Variants in LRBA observed in about 807,000 individuals in gnomAD.
LRBA encodes lipopolysaccharide-responsive and beige-like anchor protein.
In LRBA, 176 loss-of-function variants were observed where a neutral mutation model predicts 330.0. The ratio of observed to expected loss-of-function variants is 0.53; its 90% confidence interval spans 0.47 to 0.60. The LOEUF is 0.60. Ranked by LOEUF, LRBA falls within the 20% of genes least tolerant of loss-of-function variation. The pLI, the probability that LRBA is intolerant of heterozygous loss-of-function variation, is 0.00. For missense variants in LRBA, 3,259 were observed against 3,444.8 expected (o/e 0.95, Z 1.35); for synonymous variants, 1,230 against 1,193.0 (o/e 1.03, Z -0.64).
intron 56 of LRBA, among the ~76,000 whole-genome samples, chr4:150,274,192 T>G (rs988193404): frequency 6.6e-6 from 1 of 152,076 alleles, no homozygotes; most frequent in African/African-American, 2.4e-5. Flanking sequence ...ACTGAACAAT[T>G]TGCTCCTGAA....
intron 44 of LRBA, among the ~76,000 whole-genome samples, chr4:150,461,526 C>T (rs1754773720): frequency 6.6e-6 from 1 of 151,658 alleles, no homozygotes; most frequent in African/African-American, 2.4e-5. Context: ...CCTCATGGTG[C>T]ATTAGTTTCT....
intron 37 of LRBA, among the ~76,000 whole-genome samples, chr4:150,643,119 G>A (rs981919766): frequency 4.0e-5 from 6 of 151,608 alleles, no homozygotes; most frequent in African/African-American, 1.2e-4. Context: ...CAACTTCAAC[G>A]CACAAGTAGT....
chr4:150,807,403 G>A (rs1411866830), intron 32 of LRBA, among the ~76,000 whole-genome samples: 4 of 151,976 alleles, frequency 2.6e-5, no homozygotes, highest in East Asian at 1.9e-4. Context: ...AGCTATACTC[G>A]AAGCACTCAA....
At chr4:150,523,225 T>A (rs1763114955) in intron 40 of LRBA, among the ~76,000 whole-genome samples, 2 of 152,206 alleles carry the variant, frequency 1.3e-5, no homozygotes, top group South Asian at 4.1e-4. Flanking sequence ...TGCTATAGTC[T>A]GAATTTCCCC....
intron 47 of LRBA, among the ~76,000 whole-genome samples, chr4:150,408,917 A>C (rs1201133566): frequency 6.6e-6 from 1 of 152,038 alleles, no homozygotes; most frequent in Non-Finnish European, 1.5e-5. Context: ...TTGTGGCATA[A>C]AATAAGGTTC....
Position 150,471,734 on chromosome 4 carries a change from A to G in LRBA, c.6557T>C (p.Ile2186Thr). ...AAGCTGACGTGGACTAGCTAATGAA[A>G]TACGTCTGCAAGAAAAAGAATTCAA... is the stretch of plus-strand genomic sequence containing the variant. ...TSFGLPQTRR[I>T]SLASPRQLFK... The change falls in exon 43 of 57, where the codon ATT becomes ACT. Residue 2186 changes from isoleucine to threonine, a missense_variant. By Grantham distance (89) the Ile-to-Thr change is moderately conservative. Transcript: ENST00000651943. The G allele has an allele frequency of 6.9e-7, 1 of 1,455,418 alleles. No individual in the cohort carries two copies. Among genetic ancestry groups the G allele is most frequent in the South Asian group, 1.2e-5 (1 of 84,478 alleles). The allele number at this position is 1,455,418 out of a possible 1,614,324, so 90.2% of individuals were successfully genotyped here.
chr4:150,534,365 ATAATAATAATAATTT>A (rs1764396476), intron 40 of LRBA, among the ~76,000 whole-genome samples: 1 of 148,148 alleles, frequency 6.8e-6, no homozygotes, highest in African/African-American at 2.5e-5. Context: ...AATAATAATA[ATAATAATAATAATTT>A]TTTTTAAAAA....
chr4:150,630,463 G>A (rs1357618595), intron 37 of LRBA, among the ~76,000 whole-genome samples: 1 of 152,148 alleles, frequency 6.6e-6, no homozygotes, highest in Non-Finnish European at 1.5e-5. Context: ...TTAATATATA[G>A]TTTAATTCTG....
chr4:150,728,871 G>T lies in LRBA; in HGVS notation c.5754+6387C>A, dbSNP rs183169429. ...CTAGAGTAATCCAACAAGAGAAGGA[G>T]ATAAAGAGCATTTAAATTGGAAAGG... On this transcript the variant is annotated intron_variant, in intron 36 of 56. Coordinates refer to ENST00000651943, the MANE Select transcript of LRBA (RefSeq NM_001364905.1). 1.2e-3 allele frequency among the ~76,000 whole-genome samples: 183 copies of T among 152,216 alleles called. 2 individuals carry two copies. Among genetic ancestry groups the T allele is most frequent in the Admixed American group, 0.011 (172 of 15,282 alleles).
intron 47 of LRBA, among the ~76,000 whole-genome samples, chr4:150,372,277 C>G (rs945136682): frequency 3.3e-5 from 5 of 151,786 alleles, no homozygotes; most frequent in African/African-American, 1.2e-4. Context: ...GTAGGTGCAC[C>G]AAACCACTAC....
intron 55 of LRBA, among the ~76,000 whole-genome samples, chr4:150,279,994 C>A (rs550734637): frequency 2.2e-4 from 34 of 152,260 alleles, no homozygotes; most frequent in Non-Finnish European, 4.0e-4. Flanking sequence ...ATCTTTAATT[C>A]TTTGTTCTAG....
intron 30 of LRBA, among the ~76,000 whole-genome samples, chr4:150,818,858 C>A (rs1745003840): frequency 6.6e-6 from 1 of 151,948 alleles, no homozygotes; most frequent in African/African-American, 2.4e-5. Flanking sequence ...TTTCTATAAT[C>A]AAAATGTAAG....
chr4:150,887,585 G>A (rs1296617359), intron 17 of LRBA, among the ~76,000 whole-genome samples: 1 of 151,806 alleles, frequency 6.6e-6, no homozygotes, highest in African/African-American at 2.4e-5. Flanking sequence ...TGGCTAATAC[G>A]GTGAAACCCT....
At chr4:150,531,177 T>C (rs1764022002) in intron 40 of LRBA, among the ~76,000 whole-genome samples, 1 of 152,202 alleles carries the variant, frequency 6.6e-6, no homozygotes, top group South Asian at 2.1e-4. Context: ...CATGGGTACA[T>C]TTAGACACAA....
chr4:150,339,764 G>A (rs958961071), intron 48 of LRBA, among the ~76,000 whole-genome samples: 1 of 150,586 alleles, frequency 6.6e-6, no homozygotes, highest in Non-Finnish European at 1.5e-5. Flanking sequence ...CATTTTTGAT[G>A]ATACACAGTA....
intron 40 of LRBA, among the ~76,000 whole-genome samples, chr4:150,515,941 T>C (rs1264217920): frequency 6.6e-6 from 1 of 151,986 alleles, no homozygotes; most frequent in East Asian, 1.9e-4. Context: ...AAAACTTTTA[T>C]AATAGTAAGA....
chr4:150,581,386 A>G, intron 40 of LRBA: 1 of 436,684 alleles, frequency 2.3e-6, no homozygotes, highest in Non-Finnish European at 4.6e-6. Flanking sequence ...CAACAATGGG[A>G]GGGGAGGGGA....
At chr4:150,609,142 T>G (rs770229668) in intron 37 of LRBA, among the ~76,000 whole-genome samples, 7 of 152,214 alleles carry the variant, frequency 4.6e-5, no homozygotes, top group Non-Finnish European at 8.8e-5. Flanking sequence ...TGTTCAGATA[T>G]CTATCACTTT....
rs149616473 is a variant in LRBA at position 150,791,416 on chromosome 4, C to T, written c.5580+6665G>A. Among the ~76,000 whole-genome samples the T allele has an allele frequency of 6.6e-3, 1,002 of 152,272 alleles. 39 individuals are homozygous for T. Among genetic ancestry groups the T allele is most frequent in the Admixed American group, 0.055 (836 of 15,300 alleles). On this transcript the variant is annotated intron_variant, in intron 34 of 56. Transcript: ENST00000651943. ...TATCTTATATTACAATTATTTGTCT[C>T]GCTCACTAATTGTCTCTTCTACTGC...
Sources: gnomAD v4.1 joint callset for allele counts (sites outside exome capture counted in the v4.1 genomes callset) on GRCh38, gnomAD v4.1.1 for gene constraint, MANE v1.5 for transcripts, NCBI Gene and HGNC (gene_info 2026-07-23, HGNC 2026-07-21) for gene names.